SH3BP5: variants seen among roughly 807,000 people sequenced by gnomAD.
The protein encoded by SH3BP5 is SH3 domain binding protein 5.
In SH3BP5, 22 loss-of-function variants were observed where a neutral mutation model predicts 43.3. The observed-to-expected ratio is 0.51, with a 90% CI of 0.36 to 0.73. The LOEUF (loss-of-function observed/expected upper bound fraction) is 0.73. Among genes scored for constraint, SH3BP5 ranks in the 30% least tolerant of loss-of-function variants. SH3BP5 has a pLI of 0.00. For synonymous variants in SH3BP5, 255 were observed against 225.8 expected (o/e 1.13, Z -1.16); for missense variants, 529 against 586.9 (o/e 0.90, Z 1.02).
intron 3 of SH3BP5, among the ~76,000 whole-genome samples, chr3:15,289,815 T>A (rs189264044): frequency 6.6e-6 from 1 of 152,018 alleles, no homozygotes; most frequent in Non-Finnish European, 1.5e-5. Flanking sequence ...CTGCTCTCAA[T>A]AAAGGGCCCA....
chr3:15,262,919 C>T (rs925992134), intron 4 of SH3BP5, among the ~76,000 whole-genome samples: 4 of 152,200 alleles, frequency 2.6e-5, no homozygotes, highest in African/African-American at 4.8e-5. Flanking sequence ...GATCACGCCA[C>T]TGCACTCCAT....
Position 15,256,012 on chromosome 3 carries a change from A to ACT in SH3BP5, c.*73_*74insAG. The ACT allele has an allele frequency of 8.1e-7, 1 of 1,234,168 alleles. No homozygotes were observed. Among genetic ancestry groups the ACT allele is most frequent in the Admixed American group, 1.9e-5 (1 of 51,682 alleles). 76.5% of individuals were successfully genotyped at this position (1,234,168 alleles called of 1,614,324 possible). The stretch of plus-strand genomic sequence containing the variant: ...ACGTGTAAGATTTGGCATATATTAA[A>ACT]TGATTATTGGCACAATGTTCTCCAG... On this transcript the variant is annotated 3_prime_UTR_variant, in exon 9 of 9. Coordinates refer to ENST00000383791, the MANE Select transcript of SH3BP5 (RefSeq NM_004844.5).
At chr3:15,272,931 C>T (rs1696858179) in intron 3 of SH3BP5, among the ~76,000 whole-genome samples, 1 of 152,114 alleles carries the variant, frequency 6.6e-6, no homozygotes, top group Non-Finnish European at 1.5e-5. Flanking sequence ...TAGAGCTGAC[C>T]AACTCACCCC....
chr3:15,319,617 A>C (rs1698270924), intron 2 of SH3BP5, among the ~76,000 whole-genome samples: 1 of 152,228 alleles, frequency 6.6e-6, no homozygotes, highest in African/African-American at 2.4e-5. Context: ...AGAAAAAGCC[A>C]GGAAGCTTCC....
intron 2 of SH3BP5, among the ~76,000 whole-genome samples, chr3:15,304,537 G>A (rs1409334218): frequency 6.6e-6 from 1 of 152,166 alleles, no homozygotes; most frequent in Non-Finnish European, 1.5e-5. Context: ...TAATCATCTC[G>A]GGTGTGGTAG....
intron 3 of SH3BP5, among the ~76,000 whole-genome samples, chr3:15,299,483 A>ATTTTTTT (rs60281447): frequency 5.4e-5 from 5 of 92,276 alleles, no homozygotes; most frequent in Non-Finnish European, 8.6e-5. Flanking sequence ...CAACAATTAG[A>ATTTTTTT]TTTTTTTTTT....
At chr3:15,275,123 G>A (rs748047387) in intron 3 of SH3BP5, among the ~76,000 whole-genome samples, 1 of 152,204 alleles carries the variant, frequency 6.6e-6, no homozygotes, top group Non-Finnish European at 1.5e-5. Flanking sequence ...GGGGAAGAGA[G>A]GGAGATCTCT....
At chr3:15,280,131 G>GGC (rs1697080148) in intron 3 of SH3BP5, among the ~76,000 whole-genome samples, 2 of 151,998 alleles carry the variant, frequency 1.3e-5, no homozygotes, top group Non-Finnish European at 2.9e-5. Flanking sequence ...CAGCTTACAG[G>GGC]GCCTGCCAGC....
chr3:15,312,451 T>C (rs1698083179), intron 2 of SH3BP5, among the ~76,000 whole-genome samples: 1 of 152,128 alleles, frequency 6.6e-6, no homozygotes, highest in Non-Finnish European at 1.5e-5. Flanking sequence ...AAAACAAAGC[T>C]CTCTGGGGTA....
chr3:15,325,736 C>T (rs769831853), intron 2 of SH3BP5, among the ~76,000 whole-genome samples: 5 of 152,220 alleles, frequency 3.3e-5, no homozygotes, highest in Non-Finnish European at 1.5e-5. Flanking sequence ...AATTAAAAAG[C>T]TGGTCAGGCG....
intron 3 of SH3BP5, among the ~76,000 whole-genome samples, chr3:15,289,587 A>G (rs1223407462): frequency 6.6e-6 from 1 of 152,192 alleles, no homozygotes; most frequent in East Asian, 1.9e-4. Flanking sequence ...TTTAGGCCAT[A>G]TTTTTGAGTT....
rs75234078 is a variant in SH3BP5, at chr3:15,315,466, A to C, written c.202-11235T>G. ...ACTCCAACCCTTTCCAAGGCATCACACTGCCTGTCCTTATCTGAACCACCA... is the reference window on the plus strand; with the variant it reads ...ACTCCAACCCTTTCCAAGGCATCACCCTGCCTGTCCTTATCTGAACCACCA... On this transcript the variant is annotated intron_variant, in intron 2 of 8. Coordinates refer to ENST00000383791, the MANE Select transcript of SH3BP5 (RefSeq NM_004844.5). Among the ~76,000 whole-genome samples the C allele has an allele frequency of 7.7e-3, 1,176 of 152,294 alleles. 13 individuals carry two copies. Among genetic ancestry groups the C allele is most frequent in the South Asian group, 0.012 (57 of 4,822 alleles).
intron 4 of SH3BP5, among the ~76,000 whole-genome samples, chr3:15,266,136 C>T (rs1429329743): frequency 6.6e-6 from 1 of 152,216 alleles, no homozygotes; most frequent in Non-Finnish European, 1.5e-5. Context: ...GCCTCTTTGC[C>T]CAGGGAGGCA....
At chr3:15,270,261 C>T (rs1207786221) in intron 3 of SH3BP5, among the ~76,000 whole-genome samples, 1 of 152,216 alleles carries the variant, frequency 6.6e-6, no homozygotes, top group Non-Finnish European at 1.5e-5. Flanking sequence ...CAATTCATGG[C>T]AAGTCAGAAC....
In SH3BP5 at chr3:15,256,254, G is replaced by A. The variant is rs1425732862; in HGVS notation, c.1200C>T (p.Asn400=). Residue 400 remains asparagine (N), a synonymous_variant, in exon 9 of 9, where the codon AAC becomes AAT. Transcript: ENST00000383791. ...AENKTSDKAN[N]NRGLSSSSGS... is the part of the protein sequence containing the mutation. ...CACTGCTACTGCTGAGGCCCCGGTT[G>A]TTGTTGGCTTTGTCACTTGTTTTAT... The A allele has an allele frequency of 5.6e-6, 9 of 1,614,086 alleles. No individual in the cohort carries two copies. The highest frequency in any genetic ancestry group is 7.6e-6 in the Non-Finnish European group (9 of 1,180,040).
At chr3:15,262,313 C>G in intron 4 of SH3BP5, 24 bp from the exon 5 acceptor site, 1 of 1,596,770 alleles carries the variant, frequency 6.3e-7, no homozygotes, top group African/African-American at 1.3e-5. Context: ...CAGAGTTCAG[C>G]CCAGTCCAGC....
At chr3:15,322,342 T>C (rs956179950) in intron 2 of SH3BP5, among the ~76,000 whole-genome samples, 1 of 152,202 alleles carries the variant, frequency 6.6e-6, no homozygotes, top group Admixed American at 6.5e-5. Flanking sequence ...AAGTAGACCA[T>C]GGCCATTTGT....
chr3:15,276,952 AT>A (rs542303924), intron 3 of SH3BP5, among the ~76,000 whole-genome samples: 72 of 147,796 alleles, frequency 4.9e-4, no homozygotes, highest in East Asian at 4.1e-3. Context: ...TTCATTCTAA[AT>A]TTTTTTTTTT....
chr3:15,273,305 T>C (rs4036835), intron 3 of SH3BP5: 349,347 of 984,718 alleles, frequency 0.35, 67,639 homozygotes, highest in African/African-American at 0.77. Flanking sequence ...AAGATGCTCT[T>C]TTGACGGCCT....
Sources: allele counts gnomAD v4.1 joint callset (sites outside exome capture counted in the v4.1 genomes callset), GRCh38; gene constraint gnomAD v4.1.1; transcripts MANE v1.5; gene names NCBI Gene and HGNC (gene_info 2026-07-23, HGNC 2026-07-21).